The following MTCL2 variants were observed in gnomAD, a reference collection of about 807,000 sequenced individuals.
MTCL2 encodes microtubule crosslinking factor 2, also known as microtubule cross-linking factor 2.
At chr20:36,802,620 G>A in the MTCL2 span, among the ~76,000 whole-genome samples, 1 of 152,198 alleles carries the variant, frequency 6.6e-6, no homozygotes, top group African/African-American at 2.4e-5. Context: ...GCTTGTTTAA[G>A]AGTAAAGCTA....
chr20:36,786,876 T>G, the MTCL2 span, among the ~76,000 whole-genome samples: 3 of 152,210 alleles, frequency 2.0e-5, no homozygotes, highest in Non-Finnish European at 4.4e-5. Context: ...ACACTGTCCA[T>G]GGTCCTGCAC....
the MTCL2 span, among the ~76,000 whole-genome samples, chr20:36,803,530 TC>T: frequency 2.0e-5 from 3 of 151,638 alleles, no homozygotes; most frequent in African/African-American, 7.3e-5. Flanking sequence ...AATGCCCAGG[TC>T]TTTGGGGGCA....
chr20:36,812,812 C>T, the MTCL2 span: 1 of 1,613,176 alleles, frequency 6.2e-7, no homozygotes, highest in Non-Finnish European at 8.5e-7. Flanking sequence ...GGATCCTGGG[C>T]TCCCATTCCG....
the MTCL2 span, among the ~76,000 whole-genome samples, chr20:36,835,850 T>C: frequency 6.6e-6 from 1 of 151,706 alleles, no homozygotes; most frequent in Non-Finnish European, 1.5e-5. Flanking sequence ...CACACCCGCC[T>C]CCCCGCCGCC....
the MTCL2 span, among the ~76,000 whole-genome samples, chr20:36,844,610 A>G: frequency 6.6e-6 from 1 of 151,642 alleles, no homozygotes; most frequent in Non-Finnish European, 1.5e-5. Context: ...GGATTGTTTG[A>G]GCCCAGGAGG....
the MTCL2 span, among the ~76,000 whole-genome samples, chr20:36,797,946 C>T: frequency 3.3e-5 from 5 of 152,300 alleles, no homozygotes; most frequent in African/African-American, 9.6e-5. Context: ...CAGTGGCCGT[C>T]ATTTATGGAT....
At chr20:36,800,218 C>A in the MTCL2 span, among the ~76,000 whole-genome samples, 1 of 152,220 alleles carries the variant, frequency 6.6e-6, no homozygotes, top group South Asian at 2.1e-4. Context: ...ACAAGACACG[C>A]CTGTGGGCTG....
the MTCL2 span, chr20:36,817,567 G>T: frequency 7.9e-7 from 1 of 1,260,826 alleles, no homozygotes; most frequent in Non-Finnish European, 1.1e-6. Context: ...CCAGGGTCCA[G>T]GGAGGGCCCC....
chr20:36,794,872 G>T, the MTCL2 span: 6 of 491,498 alleles, frequency 1.2e-5, no homozygotes, highest in Non-Finnish European at 1.8e-5. This position sits in a 1 kb window ranked among gnomAD's most constrained non-coding sequence, Gnocchi z 5.4. Context: ...GGGCTCAAGT[G>T]ATCCTCCCAT....
chr20:36,819,166 T>A, the MTCL2 span, among the ~76,000 whole-genome samples: 2 of 152,012 alleles, frequency 1.3e-5, no homozygotes, highest in Non-Finnish European at 2.9e-5. Context: ...TTACTGAAAT[T>A]TCTCAATGTT....
At chr20:36,842,885 G>A in the MTCL2 span, among the ~76,000 whole-genome samples, 8 of 152,204 alleles carry the variant, frequency 5.3e-5, no homozygotes, top group Admixed American at 1.3e-4. Flanking sequence ...AGGGGTGGGG[G>A]GTCCAAGGGG....
chr20:36,806,836 G>A, the MTCL2 span, among the ~76,000 whole-genome samples: 781 of 152,180 alleles, frequency 5.1e-3, 10 homozygotes, highest in African/African-American at 0.018. Flanking sequence ...CTATGTTTAT[G>A]CCCTAATTTT....
the MTCL2 span, among the ~76,000 whole-genome samples, chr20:36,845,648 G>C: frequency 1.3e-5 from 2 of 152,218 alleles, no homozygotes; most frequent in Non-Finnish European, 2.9e-5. Flanking sequence ...TGGGCTTTCC[G>C]GGCCCGAGGT....
chr20:36,837,331 C>T, the MTCL2 span, among the ~76,000 whole-genome samples: 2 of 152,108 alleles, frequency 1.3e-5, no homozygotes, highest in Admixed American at 6.5e-5. Context: ...CACCTGCCAA[C>T]CTCCCACCCA....
the MTCL2 span, among the ~76,000 whole-genome samples, chr20:36,804,543 C>T: frequency 1.3e-5 from 2 of 152,180 alleles, no homozygotes; most frequent in African/African-American, 2.4e-5. Flanking sequence ...CTCTGTGACT[C>T]CCATTCCCCA....
At chr20:36,796,744 G>A in the MTCL2 span, 8 of 764,062 alleles carry the variant, frequency 1.0e-5, no homozygotes, top group East Asian at 5.3e-5. Context: ...GTGGGGTGGC[G>A]GCAGGAAGAG....
chr20:36,793,614 C>T, the MTCL2 span: 5 of 1,551,534 alleles, frequency 3.2e-6, no homozygotes, highest in East Asian at 2.4e-5. The surrounding 1 kb of genome is among the most constrained non-coding windows in gnomAD (Gnocchi z 6.8). Flanking sequence ...GAGAGTCCAT[C>T]GTTGATGTTT....
At chr20:36,790,823 C>A in the MTCL2 span, among the ~76,000 whole-genome samples, 1 of 151,440 alleles carries the variant, frequency 6.6e-6, no homozygotes, top group Non-Finnish European at 1.5e-5. Flanking sequence ...GATCTGCCCA[C>A]CTCAGTCTCC....
At chr20:36,839,338 G>C in the MTCL2 span, 3 of 1,612,868 alleles carry the variant, frequency 1.9e-6, no homozygotes, top group Admixed American at 5.0e-5. The surrounding 1 kb of genome is among the most constrained non-coding windows in gnomAD (Gnocchi z 5.1). Flanking sequence ...GGTCTTGCTG[G>C]CCTGGTCCAG....
Sources: allele counts gnomAD v4.1 joint callset (sites outside exome capture counted in the v4.1 genomes callset), GRCh38; gene constraint gnomAD v4.1.1; non-coding constraint Gnocchi (gnomAD v3.1); transcripts MANE v1.5; gene names NCBI Gene and HGNC (gene_info 2026-07-23, HGNC 2026-07-21).